Variants in SMIM22 observed in about 807,000 individuals in gnomAD.
The protein encoded by SMIM22 is small integral membrane protein 22, also known as cancer associated small integral membrane open reading frame 1.
Under a neutral mutation model 8.4 loss-of-function variants are expected in SMIM22, and 16 were observed. The observed-to-expected ratio is 1.90, with a 90% confidence interval of 1.29 to 2.89. SMIM22 has a LOEUF of 2.89. SMIM22 is among the 30% of genes most tolerant of loss of function. The pLI, the probability that SMIM22 is intolerant of heterozygous loss-of-function variation, is 0.00. For missense variants in SMIM22, 159 were observed against 107.5 expected (o/e 1.48, Z -2.12); for synonymous variants, 67 against 47.6 (o/e 1.41, Z -1.68).
At chr16:4,795,572 C>A in intron 1 of SMIM22, 123 bp downstream of exon 1, 2 of 1,031,276 alleles carry the variant, frequency 1.9e-6, no homozygotes, top group Non-Finnish European at 1.4e-6. Flanking sequence ...GGGCCTGGGG[C>A]CGAGGGAGAA....
upstream of SMIM22, among the ~76,000 whole-genome samples, chr16:4,791,424 C>T (rs2082549242): frequency 6.6e-6 from 1 of 152,166 alleles, no homozygotes; most frequent in Non-Finnish European, 1.5e-5. Flanking sequence ...TTCCATCATG[C>T]TTCGACGGCT....
intron 1 of SMIM22, 121 bp from the exon 2 acceptor site, chr16:4,795,594 G>A (rs1217703943): frequency 2.0e-5 from 24 of 1,218,254 alleles, no homozygotes; most frequent in South Asian, 6.2e-5. Context: ...TGGAGTGGGA[G>A]GGGGTGGGGA....
Position 4,795,703 on chromosome 16 carries a change from G to T in SMIM22, c.-20-12G>T, listed in dbSNP as rs1462593554. The T allele has an allele frequency of 6.5e-7, 1 of 1,533,238 alleles. No homozygotes were observed. The highest frequency in any genetic ancestry group is 8.7e-7 in the Non-Finnish European group (1 of 1,145,870). The allele number at this position is 1,533,238 out of a possible 1,614,324, so 95.0% of individuals were successfully genotyped here. On this transcript the variant is annotated splice_polypyrimidine_tract_variant and intron_variant, in intron 1 of 3. Transcript: ENST00000586005. ...CCAGGATCCTGATGCAGCCTCTGGG[G>T]GACCGGGGCAGGTGGCACGGTGCAC...
At chr16:4,791,136 A>C (rs2082544556), upstream of SMIM22, among the ~76,000 whole-genome samples, 1 of 152,224 alleles carries the variant, frequency 6.6e-6, no homozygotes, top group Admixed American at 6.5e-5. Context: ...AAATCCTCCC[A>C]TGTGAGCGAT....
At position 4,795,381 on chromosome 16, in the gene SMIM22, G is replaced by T; in HGVS notation, c.-89G>T. The T allele has an allele frequency of 3.8e-6, 1 of 261,552 alleles. No individual in the cohort carries two copies. The allele number at this position is 261,552 out of a possible 1,614,324, so 16.2% of individuals were successfully genotyped here. ...TTGCCAAGGCCTCAGGTGGTGTGGA[G>T]CCGGAAGCAGGAAGCAGCCTGTGCT... On this transcript the variant is annotated 5_prime_UTR_variant, in exon 1 of 4. Transcript: ENST00000586005.
At chr16:4,794,287 T>C (rs1231072020), upstream of SMIM22, among the ~76,000 whole-genome samples, 1 of 151,814 alleles carries the variant, frequency 6.6e-6, no homozygotes, top group Non-Finnish European at 1.5e-5. Flanking sequence ...TTTTGTATTT[T>C]TAGTAGAGAT....
At chr16:4,790,674 G>C (rs2082537589), upstream of SMIM22, among the ~76,000 whole-genome samples, 1 of 152,190 alleles carries the variant, frequency 6.6e-6, no homozygotes, top group Admixed American at 6.6e-5. Flanking sequence ...TGTAGTCGCA[G>C]CTACTTGGGA....
At position 4,795,969 on chromosome 16, in the gene SMIM22, T is replaced by C; in HGVS notation, c.146T>C (p.Leu49Pro). 6.6e-7 allele frequency: 1 copy of C among 1,506,226 alleles called. No individual in the cohort carries two copies. The highest frequency in any genetic ancestry group is 1.4e-5 in the African/African-American group (1 of 72,502). 93.3% of individuals were successfully genotyped at this position (1,506,226 alleles called of 1,614,324 possible). A position where few individuals can be genotyped will look rare whatever the true frequency, so the allele number is the denominator to read the frequency against. Reference sequence around the variant, plus strand: ...CCAGGCACCGTGCTGCTCCTGCTGCTGCTGGTCGTCGCCCACTGCTGCTGC... The same window carrying C: ...CCAGGCACCGTGCTGCTCCTGCTGCCGCTGGTCGTCGCCCACTGCTGCTGC... ...TFMGTVLLLL[L>P]LVVAHCCCCS... The change falls in exon 3 of 4, where the codon CTG (leucine) becomes CCG (proline). Residue 49 changes from leucine to proline, a missense_variant. Transcript: ENST00000586005.
upstream of SMIM22, among the ~76,000 whole-genome samples, chr16:4,793,990 C>T (rs142890004): frequency 2.7e-3 from 407 of 152,250 alleles, 2 homozygotes; most frequent in African/African-American, 8.9e-3. Context: ...GGCGGGTGTG[C>T]GGTGACATGA....
chr16:4,791,878 G>A (rs2082556336), upstream of SMIM22, among the ~76,000 whole-genome samples: 1 of 152,006 alleles, frequency 6.6e-6, no homozygotes, highest in Admixed American at 6.6e-5. Flanking sequence ...AGTAGAGACG[G>A]GTTTCGCCAT....
upstream of SMIM22, among the ~76,000 whole-genome samples, chr16:4,791,320 G>T (rs551145303): frequency 2.0e-5 from 3 of 152,298 alleles, 1 homozygote; most frequent in East Asian, 5.8e-4. Flanking sequence ...TCTATGCAGC[G>T]TGACTATGGT....
Position 4,796,008 on chromosome 16 carries a change from G to T in SMIM22, c.185G>T (p.Gly62Val). The change falls in exon 3 of 4, where the codon GGG becomes GTG. Residue 62 changes from glycine to valine, a missense_variant. Gly to Val is a moderately radical substitution (Grantham distance 109). Coordinates refer to ENST00000586005, the MANE Select transcript of SMIM22 (RefSeq NM_001253794.2). Reference protein sequence around the residue: ...VAHCCCCSSPGPRRESPRKVS... With the variant: ...VAHCCCCSSPVPRRESPRKVS... Reference sequence around the variant, plus strand: ...CACTGCTGCTGCTGCAGCTCCCCCGGGCCCCGCAGGGAAAGCCCCAGGAAG... The same window carrying T: ...CACTGCTGCTGCTGCAGCTCCCCCGTGCCCCGCAGGGAAAGCCCCAGGAAG... The T allele has an allele frequency of 6.6e-7, 1 of 1,513,964 alleles. No homozygotes were observed. The highest frequency in any genetic ancestry group is 8.8e-7 in the Non-Finnish European group (1 of 1,135,670). The allele number at this position is 1,513,964 out of a possible 1,614,324, so 93.8% of individuals were successfully genotyped here.
Position 4,795,808 on chromosome 16 carries a change from T to C in SMIM22, c.74T>C (p.Phe25Ser), listed in dbSNP as rs1216177350. 6 of 1,535,874 alleles carry C rather than the reference T, an allele frequency of 3.9e-6. No homozygotes were observed. The highest frequency in any genetic ancestry group is 2.4e-5 in the South Asian group (2 of 84,066). The change falls in exon 2 of 4, where the codon TTC (phenylalanine) becomes TCC (serine). Residue 25 changes from phenylalanine (F) to serine (S), a missense_variant. Coordinates refer to ENST00000586005, the MANE Select transcript of SMIM22 (RefSeq NM_001253794.2). ...GGGAGACTGAAGAGCCACCAGTTTT[T>C]CCAGTCCACATGGGACACTGTTGCC... The part of the protein sequence containing the change: ...VLGRLKSHQF[F>S]QSTWDTVAFI...
chr16:4,795,785 G>C lies in SMIM22; in HGVS notation c.51G>C (p.Gly17=), dbSNP rs1438054272. The C allele has an allele frequency of 1.3e-6, 2 of 1,535,840 alleles. No individual in the cohort carries two copies. Among genetic ancestry groups the C allele is most frequent in the African/African-American group, 2.7e-5 (2 of 73,010 alleles). Residue 17 remains glycine (G), a synonymous_variant, in exon 2 of 4, where the codon GGG becomes GGC. Transcript: ENST00000586005. The part of the protein sequence containing the change: ...ELEATVQEVL[G]RLKSHQFFQS... Reference sequence around the variant, plus strand: ...AGGCCACGGTTCAGGAAGTCCTGGGGAGACTGAAGAGCCACCAGTTTTTCC... The same window carrying C: ...AGGCCACGGTTCAGGAAGTCCTGGGCAGACTGAAGAGCCACCAGTTTTTCC...
At chr16:4,791,607 TGACTC>T (rs1172890588), upstream of SMIM22, among the ~76,000 whole-genome samples, 3 of 152,188 alleles carry the variant, frequency 2.0e-5, no homozygotes, top group Non-Finnish European at 4.4e-5. Context: ...TCCAGAAGTC[TGACTC>T]ACCGGAACCA....
Position 4,795,762 on chromosome 16 carries a change from G to T in SMIM22, c.28G>T (p.Ala10Ser). The change falls in exon 2 of 4, where the codon GCC becomes TCC. Residue 10 changes from alanine (A) to serine (S), a missense_variant. Coordinates refer to ENST00000586005, the MANE Select transcript of SMIM22 (RefSeq NM_001253794.2). ...GGCTGTGTCCACAGAGGAGCTGGAGGCCACGGTTCAGGAAGTCCTGGGGAG... is the reference window on the plus strand; with the variant it reads ...GGCTGTGTCCACAGAGGAGCTGGAGTCCACGGTTCAGGAAGTCCTGGGGAG... MAVSTEELE[A>S]TVQEVLGRLK... 6.5e-7 allele frequency: 1 copy of T among 1,535,926 alleles called. No individual in the cohort carries two copies. The highest frequency in any genetic ancestry group is 1.4e-5 in the African/African-American group (1 of 73,134).
chr16:4,791,249 A>G (rs531438012), upstream of SMIM22, among the ~76,000 whole-genome samples: 1 of 152,320 alleles, frequency 6.6e-6, no homozygotes, highest in African/African-American at 2.4e-5. Flanking sequence ...TGCAGAAAGC[A>G]TGCTGTCATC....
chr16:4,796,080 G>T, intron 3 of SMIM22, 32 bp downstream of exon 3: 1 of 1,535,114 alleles, frequency 6.5e-7, no homozygotes, highest in Non-Finnish European at 8.7e-7. Context: ...GACCTGCACG[G>T]AACTGTACTG....
At chr16:4,792,530 G>C (rs996209326), upstream of SMIM22, among the ~76,000 whole-genome samples, 26 of 149,520 alleles carry the variant, frequency 1.7e-4, no homozygotes, top group Non-Finnish European at 4.5e-5. Context: ...TGCTGGGCGC[G>C]GTGGATCATG....
Sources: allele counts gnomAD v4.1 joint callset (sites outside exome capture counted in the v4.1 genomes callset), GRCh38; gene constraint gnomAD v4.1.1; transcripts MANE v1.5; gene names NCBI Gene and HGNC (gene_info 2026-07-23, HGNC 2026-07-21).